The following SH3RF3 variants were observed in gnomAD, a reference collection of about 807,000 sequenced individuals.
SH3RF3 encodes E3 ubiquitin-protein ligase SH3RF3.
SH3RF3 carries 29 observed loss-of-function variants against 66.3 expected under a neutral mutation model. The observed-to-expected ratio is 0.44, with a 90% CI of 0.33 to 0.60. The LOEUF (loss-of-function observed/expected upper bound fraction) is 0.60. SH3RF3 is among the 20% of genes least tolerant of loss of function. The pLI is 0.04. For missense variants in SH3RF3, 1,194 were observed against 1,190.9 expected (o/e 1.00, Z -0.04); for synonymous variants, 583 against 532.0 (o/e 1.10, Z -1.32).
At chr2:109,321,784 A>G (rs1682033039) in intron 1 of SH3RF3, among the ~76,000 whole-genome samples, 1 of 152,158 alleles carries the variant, frequency 6.6e-6, no homozygotes, top group Admixed American at 6.5e-5. Flanking sequence ...TGCTAGAGAG[A>G]TGTGTTCGCG....
rs370635733 is a variant in SH3RF3, at chr2:109,224,425, T to C, written c.573+94312T>C. ...ATTTTGTTCTGATGTAAAAGGGACT[T>C]GAAGCAGTTTTTGAGGTCATGTGCA... On this transcript the variant is annotated intron_variant, in intron 1 of 9. Coordinates refer to ENST00000309415, the MANE Select transcript of SH3RF3 (RefSeq NM_001099289.3). Among the ~76,000 whole-genome samples, 234 of 152,340 alleles carry C rather than the reference T, an allele frequency of 1.5e-3. 1 individual carries two copies. Among genetic ancestry groups the C allele is most frequent in the African/African-American group, 5.4e-3 (225 of 41,576 alleles).
intron 1 of SH3RF3, among the ~76,000 whole-genome samples, chr2:109,346,850 T>C (rs1682720633): frequency 6.6e-6 from 1 of 152,136 alleles, no homozygotes; most frequent in Non-Finnish European, 1.5e-5. Context: ...GAGGATACAG[T>C]CTTATGCCCT....
At chr2:109,370,621 A>G (rs1038358767) in intron 2 of SH3RF3, among the ~76,000 whole-genome samples, 6 of 151,550 alleles carry the variant, frequency 4.0e-5, no homozygotes. Flanking sequence ...GTGAGTCCCC[A>G]TCTCTCCTCC....
intron 1 of SH3RF3, among the ~76,000 whole-genome samples, chr2:109,158,913 A>G (rs576678007): frequency 1.3e-5 from 2 of 152,292 alleles, no homozygotes; most frequent in South Asian, 2.1e-4. Flanking sequence ...GTCAGGAGTT[A>G]GAGACCAGCT....
At chr2:109,192,328 A>C (rs1218106633) in intron 1 of SH3RF3, among the ~76,000 whole-genome samples, 3 of 152,266 alleles carry the variant, frequency 2.0e-5, no homozygotes, top group Non-Finnish European at 4.4e-5. Context: ...TACAAAAAGC[A>C]GAAAATGAGT....
At chr2:109,481,894 C>T (rs771376862) in intron 8 of SH3RF3, among the ~76,000 whole-genome samples, 4 of 152,156 alleles carry the variant, frequency 2.6e-5, no homozygotes, top group African/African-American at 4.8e-5. Flanking sequence ...TTTATCACCA[C>T]GGAATCACTG....
Position 109,195,122 on chromosome 2 carries a change from C to G in SH3RF3, c.573+65009C>G, listed in dbSNP as rs373041492. 1.3e-5 allele frequency among the ~76,000 whole-genome samples: 2 copies of G among 152,116 alleles called. 1 individual carries two copies. Among genetic ancestry groups the G allele is most frequent in the East Asian group, 3.8e-4 (2 of 5,198 alleles). On this transcript the variant is annotated intron_variant, in intron 1 of 9. Transcript: ENST00000309415. ...ATTTTACACCTATATTTGTAGCTGGCAGATGGATAAAAACTAATAGGAAAA... is the reference window on the plus strand; with the variant it reads ...ATTTTACACCTATATTTGTAGCTGGGAGATGGATAAAAACTAATAGGAAAA...
chr2:109,255,147 C>G (rs946426570), intron 1 of SH3RF3, among the ~76,000 whole-genome samples: 1 of 152,086 alleles, frequency 6.6e-6, no homozygotes, highest in African/African-American at 2.4e-5. Context: ...TGTGTGTGTA[C>G]ATGTGCACGT....
At chr2:109,495,888 C>T (rs1422099496) in intron 9 of SH3RF3, among the ~76,000 whole-genome samples, 1 of 151,366 alleles carries the variant, frequency 6.6e-6, no homozygotes, top group Non-Finnish European at 1.5e-5. Flanking sequence ...TAGATTAACA[C>T]CAGAAAAAGT....
intron 2 of SH3RF3, among the ~76,000 whole-genome samples, chr2:109,361,911 A>G (rs1214119071): frequency 1.3e-5 from 2 of 152,186 alleles, no homozygotes; most frequent in African/African-American, 4.8e-5. Context: ...CATGGGACAT[A>G]CAGGGATGCC....
intron 1 of SH3RF3, among the ~76,000 whole-genome samples, chr2:109,242,363 C>A (rs990150338): frequency 2.0e-5 from 3 of 152,192 alleles, no homozygotes; most frequent in Non-Finnish European, 2.9e-5. Flanking sequence ...ACACTGAGGA[C>A]CTTGTCTCCT....
chr2:109,149,574 C>A (rs1677185479), intron 1 of SH3RF3, among the ~76,000 whole-genome samples: 1 of 152,104 alleles, frequency 6.6e-6, no homozygotes, highest in Non-Finnish European at 1.5e-5. Context: ...GGCAGCCGTC[C>A]CTGGGTCTTG....
At position 109,302,305 on chromosome 2, in the gene SH3RF3, C is replaced by G. The variant is rs1009265259; in HGVS notation, c.574-45369C>G. Among the ~76,000 whole-genome samples the G allele has an allele frequency of 1.3e-5, 2 of 152,312 alleles. 1 individual carries two copies. The highest frequency in any genetic ancestry group is 4.1e-4 in the South Asian group (2 of 4,820). On this transcript the variant is annotated intron_variant, in intron 1 of 9. Coordinates refer to ENST00000309415, the MANE Select transcript of SH3RF3 (RefSeq NM_001099289.3). ...TTGTGACTGTAATCATCCATAACAG[C>G]ATATCTGTGATGGATCAGTCAGGAT... is the stretch of plus-strand genomic sequence containing the variant.
chr2:109,383,441 A>G (rs1177704003), intron 3 of SH3RF3, among the ~76,000 whole-genome samples: 3 of 152,190 alleles, frequency 2.0e-5, no homozygotes, highest in Non-Finnish European at 2.9e-5. Context: ...ATTATGACCA[A>G]GGTTGACACT....
At chr2:109,419,699 G>A in intron 5 of SH3RF3, 57 bp downstream of exon 5, 2 of 1,500,690 alleles carry the variant, frequency 1.3e-6, no homozygotes, top group Non-Finnish European at 1.8e-6. Context: ...CCTCCTGCCT[G>A]GGCTGACCTG....
rs373006887 is a variant in SH3RF3 at position 109,139,312 on chromosome 2, CT to C, written c.573+9210del. On this transcript the variant is annotated intron_variant, in intron 1 of 9. Transcript: ENST00000309415. ...AACAAAGATAGCCAATGAGACTGAC[CT>C]TTTTTTTTTTACTGAGTTCATGATG... Among the ~76,000 whole-genome samples the C allele has an allele frequency of 3.9e-3, 572 of 146,144 alleles. 9 individuals are homozygous for C. Among genetic ancestry groups the C allele is most frequent in the South Asian group, 0.026 (122 of 4,618 alleles).
rs188748809 is a variant in SH3RF3, at chr2:109,237,931, A to G, written c.573+107818A>G. Among the ~76,000 whole-genome samples the G allele has an allele frequency of 7.4e-3, 1,125 of 152,374 alleles. 9 individuals carry two copies. The highest frequency in any genetic ancestry group is 0.024 in the South Asian group (115 of 4,828). On this transcript the variant is annotated intron_variant, in intron 1 of 9. Coordinates refer to ENST00000309415, the MANE Select transcript of SH3RF3 (RefSeq NM_001099289.3). ...ATATAAATTAACTTAGTGTTATGCC[A>G]CCAAATTAAAATGGTTTTTATGACC... is the stretch of plus-strand genomic sequence containing the variant.
chr2:109,393,885 G>GAA (rs36100571), intron 3 of SH3RF3, among the ~76,000 whole-genome samples: 1 of 145,732 alleles, frequency 6.9e-6, no homozygotes. Context: ...CCTTTTTTAA[G>GAA]AAAAAAAAAA....
At chr2:109,181,963 C>T (rs1194188872) in intron 1 of SH3RF3, among the ~76,000 whole-genome samples, 1 of 152,120 alleles carries the variant, frequency 6.6e-6, no homozygotes, top group Non-Finnish European at 1.5e-5. Context: ...CAACCAAAGG[C>T]CAGTTTGGTG....
Sources: allele counts gnomAD v4.1 joint callset (sites outside exome capture counted in the v4.1 genomes callset), GRCh38; gene constraint gnomAD v4.1.1; transcripts MANE v1.5; gene names NCBI Gene and HGNC (gene_info 2026-07-23, HGNC 2026-07-21).